The following ZBTB20 variants were observed in gnomAD, a reference collection of about 807,000 sequenced individuals.
ZBTB20 encodes the protein zinc finger and BTB domain-containing protein 20.
Under a neutral mutation model 56.9 loss-of-function variants are expected in ZBTB20, and 9 were observed. The observed-to-expected ratio is 0.16, with a 90% CI of 0.10 to 0.28. ZBTB20 has a LOEUF of 0.28. Ranked by LOEUF, ZBTB20 falls within the 10% of genes least tolerant of loss-of-function variation. ZBTB20 has a pLI of 1.00. For missense variants in ZBTB20, 655 were observed against 1,003.0 expected (o/e 0.65, Z 4.69); for synonymous variants, 417 against 420.7 (o/e 0.99, Z 0.11).
chr3:114,466,693 C>A (rs144270212), intron 7 of ZBTB20, among the ~76,000 whole-genome samples: 1 of 152,150 alleles, frequency 6.6e-6, no homozygotes, highest in Non-Finnish European at 1.5e-5. Context: ...ATGTGCAATG[C>A]GCAACCATCA....
chr3:115,111,005 A>AAAATAAAT (rs148918475), intron 1 of ZBTB20, among the ~76,000 whole-genome samples: 2,678 of 144,782 alleles, frequency 0.018, 39 homozygotes, highest in Non-Finnish European at 0.026. Flanking sequence ...AATAAAAATA[A>AAAATAAAT]AAATAAATAA....
At chr3:114,844,352 T>TATATATAC (rs1209647893) in intron 4 of ZBTB20, among the ~76,000 whole-genome samples, 1 of 119,200 alleles carries the variant, frequency 8.4e-6, no homozygotes, top group Non-Finnish European at 1.7e-5. Flanking sequence ...TATATATATA[T>TATATATAC]ATATATATAT....
chr3:114,572,042 G>T (rs1436661158), intron 6 of ZBTB20, among the ~76,000 whole-genome samples: 1 of 151,502 alleles, frequency 6.6e-6, no homozygotes, highest in Non-Finnish European at 1.5e-5. Context: ...TATTTGACAT[G>T]CAGTATCTCA....
At chr3:114,826,336 G>A (rs756805658) in intron 4 of ZBTB20, among the ~76,000 whole-genome samples, 2 of 151,498 alleles carry the variant, frequency 1.3e-5, no homozygotes, top group Non-Finnish European at 3.0e-5. Flanking sequence ...AAAGACATCA[G>A]GCTGTAATCT....
intron 5 of ZBTB20, among the ~76,000 whole-genome samples, chr3:114,721,330 G>C (rs963929683): frequency 6.6e-6 from 1 of 152,106 alleles, no homozygotes; most frequent in African/African-American, 2.4e-5. Context: ...GAGAAAGAGA[G>C]AGAGTGCGAG....
intron 2 of ZBTB20, among the ~76,000 whole-genome samples, chr3:115,007,557 T>C (rs2079528519): frequency 6.6e-6 from 1 of 151,878 alleles, no homozygotes; most frequent in Non-Finnish European, 1.5e-5. Flanking sequence ...AGTTCTTTCT[T>C]CTTAGCATAT....
chr3:114,892,466 G>A (rs1453668678), intron 4 of ZBTB20, among the ~76,000 whole-genome samples: 1 of 152,174 alleles, frequency 6.6e-6, no homozygotes, highest in East Asian at 1.9e-4. Flanking sequence ...GTACTGTCAG[G>A]ATCTGAATAC....
chr3:114,645,830 T>C lies in ZBTB20; in HGVS notation c.-295+47698A>G, dbSNP rs554257339. 2.0e-5 allele frequency among the ~76,000 whole-genome samples: 3 copies of C among 152,310 alleles called. No individual in the cohort carries two copies. The East Asian group carries it at 5.8e-4, about 29-fold the overall frequency. On this transcript the variant is annotated intron_variant, in intron 6 of 11. Transcript: ENST00000675478. ...AGACTTTACACAATTACAAAGAATG[T>C]TGTATAAAAACTATCTATAAAGCAG...
rs199910152 is a variant in ZBTB20, at chr3:114,783,163, G to A, written c.-343+17938C>T. ...AGACAATTAAATTAATAATTATAAT[G>A]CAATACATATTATGTTAGGTAAAGT... is the stretch of plus-strand genomic sequence containing the variant. On this transcript the variant is annotated intron_variant, in intron 5 of 11. Transcript: ENST00000675478. Among the ~76,000 whole-genome samples, 13 of 152,182 alleles carry A rather than the reference G, an allele frequency of 8.5e-5. No homozygotes were observed. In the East Asian group the frequency reaches 2.5e-3, roughly 29 times the overall value.
intron 2 of ZBTB20, among the ~76,000 whole-genome samples, chr3:115,023,634 T>C (rs902060490): frequency 6.6e-6 from 1 of 150,948 alleles, no homozygotes; most frequent in African/African-American, 2.4e-5. Context: ...AACAAATCCT[T>C]ACTCTTTGTA....
At chr3:114,859,444 C>T (rs1411284442) in intron 4 of ZBTB20, among the ~76,000 whole-genome samples, 1 of 151,752 alleles carries the variant, frequency 6.6e-6, no homozygotes, top group Non-Finnish European at 1.5e-5. Flanking sequence ...TTCTTTCCTT[C>T]CTTCCTTCAA....
intron 6 of ZBTB20, among the ~76,000 whole-genome samples, chr3:114,667,741 A>G (rs1324867628): frequency 2.0e-5 from 3 of 152,084 alleles, no homozygotes; most frequent in Non-Finnish European, 2.9e-5. Flanking sequence ...AGGATATGGC[A>G]TAAGAGTGTT....
intron 5 of ZBTB20, among the ~76,000 whole-genome samples, chr3:114,735,059 GTTAT>G (rs2066046941): frequency 1.3e-5 from 2 of 151,478 alleles, no homozygotes; most frequent in South Asian, 4.2e-4. Context: ...ATGACACCAT[GTTAT>G]TTGAGTATCT....
chr3:114,656,369 C>T (rs2060406433), intron 6 of ZBTB20, among the ~76,000 whole-genome samples: 1 of 152,224 alleles, frequency 6.6e-6, no homozygotes, highest in African/African-American at 2.4e-5. Context: ...CTGCCACCCA[C>T]AATCTGCTGT....
At chr3:114,905,541 G>A (rs2075287855) in intron 3 of ZBTB20, among the ~76,000 whole-genome samples, 1 of 151,794 alleles carries the variant, frequency 6.6e-6, no homozygotes. Context: ...CATAATGTGT[G>A]GTAGGTAGGT....
chr3:114,580,978 G>A (rs2054585228), intron 6 of ZBTB20, among the ~76,000 whole-genome samples: 1 of 151,604 alleles, frequency 6.6e-6, no homozygotes, highest in Non-Finnish European at 1.5e-5. Flanking sequence ...AAAGACCAAG[G>A]GAGCTAAAAG....
chr3:114,802,105 A>G (rs2071764077), intron 4 of ZBTB20, among the ~76,000 whole-genome samples: 1 of 151,924 alleles, frequency 6.6e-6, no homozygotes, highest in Non-Finnish European at 1.5e-5. Flanking sequence ...TGAAAAACTG[A>G]TACAATGGGA....
In ZBTB20 at chr3:114,380,823, A is replaced by C; in HGVS notation, c.-36T>G. On this transcript the variant is annotated 5_prime_UTR_variant, in exon 9 of 12. Transcript: ENST00000675478. ...GCTTAGAGACAGGACTCGTGGAGTA[A>C]TGGGAGGAGCACTGGACTGGGAGTC... 10 of 1,493,784 alleles carry C rather than the reference A, an allele frequency of 6.7e-6. No individual in the cohort carries two copies. The highest frequency in any genetic ancestry group is 8.8e-6 in the Non-Finnish European group (10 of 1,130,264). 92.5% of individuals were successfully genotyped at this position (1,493,784 alleles called of 1,614,324 possible).
chr3:114,620,588 G>A (rs753526563), intron 6 of ZBTB20, among the ~76,000 whole-genome samples: 3 of 152,116 alleles, frequency 2.0e-5, no homozygotes, highest in Admixed American at 6.6e-5. Flanking sequence ...CACTGTGTCC[G>A]GCTGTTTCTT....
Sources: allele counts gnomAD v4.1 joint callset (sites outside exome capture counted in the v4.1 genomes callset), GRCh38; gene constraint gnomAD v4.1.1; transcripts MANE v1.5; gene names NCBI Gene and HGNC (gene_info 2026-07-23, HGNC 2026-07-21).